Variants in NCALD observed in about 807,000 individuals in gnomAD.
NCALD encodes neurocalcin delta.
A neutral mutation model predicts 18.6 loss-of-function variants in NCALD; 10 were observed. The ratio of observed to expected loss-of-function variants is 0.54; its 90% CI spans 0.33 to 0.91. The LOEUF is 0.91. Ranked by LOEUF, NCALD falls within the 40% of genes least tolerant of loss-of-function variation. The pLI, the probability that NCALD is intolerant of heterozygous loss-of-function variation, is 0.03. For synonymous variants in NCALD, 88 were observed against 87.4 expected, an observed-to-expected ratio of 1.01 and a Z score of -0.04; for missense variants, 184 against 247.6, an observed-to-expected ratio of 0.74 and a Z score of 1.72.
At chr8:101,805,643 G>A (rs1227653311) in intron 4 of NCALD, among the ~76,000 whole-genome samples, 1 of 152,144 alleles carries the variant, frequency 6.6e-6, no homozygotes. Context: ...GAGCTCTGAA[G>A]CTCTCCCCCA....
At chr8:102,036,454 G>A (rs1822868068) in intron 1 of NCALD, among the ~76,000 whole-genome samples, 1 of 151,856 alleles carries the variant, frequency 6.6e-6, no homozygotes, top group South Asian at 2.1e-4. Flanking sequence ...TACACATCTA[G>A]TTTGCAATCA....
intron 2 of NCALD, chr8:101,693,937 G>A (rs1325589018): frequency 1.3e-5 from 2 of 152,194 alleles, no homozygotes; most frequent in Non-Finnish European, 2.9e-5. Context: ...GAGCTAAACT[G>A]GGTACAGCTA....
chr8:101,964,567 G>A (rs1819953447), intron 2 of NCALD, among the ~76,000 whole-genome samples: 2 of 152,102 alleles, frequency 1.3e-5, no homozygotes, highest in Non-Finnish European at 1.5e-5. Context: ...TTTGGAATTG[G>A]TGCACATGAC....
intron 2 of NCALD, among the ~76,000 whole-genome samples, chr8:102,011,389 CA>C (rs1370893575): frequency 3.9e-5 from 6 of 152,208 alleles, no homozygotes; most frequent in African/African-American, 1.4e-4. Context: ...ACATCTTCCT[CA>C]AAGATCCCTT....
chr8:101,831,998 G>A (rs1179926000), intron 4 of NCALD, among the ~76,000 whole-genome samples: 1 of 152,092 alleles, frequency 6.6e-6, no homozygotes, highest in Non-Finnish European at 1.5e-5. Flanking sequence ...GCAGATAAAG[G>A]CCTCTTAAGC....
At chr8:102,070,753 T>G (rs148120031) in intron 1 of NCALD, among the ~76,000 whole-genome samples, 1 of 152,172 alleles carries the variant, frequency 6.6e-6, no homozygotes, top group South Asian at 2.1e-4. Flanking sequence ...CCTCCTACCT[T>G]GGGAGTTATC....
chr8:101,941,995 G>A (rs927119440), intron 2 of NCALD, among the ~76,000 whole-genome samples: 1 of 152,184 alleles, frequency 6.6e-6, no homozygotes. Context: ...AGAGGAAACA[G>A]TTCTTCATGG....
intron 1 of NCALD, among the ~76,000 whole-genome samples, chr8:102,022,435 ACT>A (rs1000230658): frequency 6.6e-5 from 10 of 152,084 alleles, no homozygotes; most frequent in African/African-American, 2.4e-4. Flanking sequence ...AGATGACTGC[ACT>A]CTCTTGCAGT....
chr8:101,722,839 G>T (rs76231902), intron 1 of NCALD, among the ~76,000 whole-genome samples: 8,494 of 152,254 alleles, frequency 0.056, 271 homozygotes, highest in Middle Eastern at 0.15. Flanking sequence ...AGTCAGAAAA[G>T]CATGGAATAA....
At chr8:101,954,485 T>C (rs1299844241) in intron 2 of NCALD, among the ~76,000 whole-genome samples, 2 of 152,180 alleles carry the variant, frequency 1.3e-5, no homozygotes, top group Non-Finnish European at 2.9e-5. Context: ...TCATTCTCTC[T>C]ACCTCTAATC....
chr8:101,902,174 G>T (rs1435273404), intron 3 of NCALD, among the ~76,000 whole-genome samples: 2 of 151,292 alleles, frequency 1.3e-5, no homozygotes, highest in Admixed American at 1.3e-4. Flanking sequence ...CAGCCTATTT[G>T]ATCTATTGCT....
chr8:102,051,644 A>G (rs1424131905), intron 1 of NCALD, among the ~76,000 whole-genome samples: 2 of 152,242 alleles, frequency 1.3e-5, no homozygotes, highest in Admixed American at 6.5e-5. Flanking sequence ...ACATTCTGCT[A>G]ATTCAACTGC....
At chr8:101,929,252 GA>G in intron 2 of NCALD, among the ~76,000 whole-genome samples, 1 of 87,350 alleles carries the variant, frequency 1.1e-5, no homozygotes, top group African/African-American at 4.8e-5. Flanking sequence ...GGAGGAGGAG[GA>G]AGGGATGGAG....
At chr8:101,893,253 T>C (rs577375755) in intron 3 of NCALD, among the ~76,000 whole-genome samples, 17 of 151,156 alleles carry the variant, frequency 1.1e-4, no homozygotes, top group East Asian at 9.7e-4. Context: ...ATTTCATATC[T>C]AGCCAAACTA....
At chr8:101,835,723 C>CGT (rs994674590) in intron 4 of NCALD, among the ~76,000 whole-genome samples, 2 of 151,694 alleles carry the variant, frequency 1.3e-5, no homozygotes, top group African/African-American at 2.4e-5. Flanking sequence ...TGTGTGCATG[C>CGT]GTGTGTGTGA....
chr8:101,851,850 T>C (rs1410684562), intron 4 of NCALD, among the ~76,000 whole-genome samples: 1 of 152,182 alleles, frequency 6.6e-6, no homozygotes, highest in African/African-American at 2.4e-5. Context: ...AAAATTTATG[T>C]TAAACTCTAA....
intron 2 of NCALD, among the ~76,000 whole-genome samples, chr8:101,710,896 C>G (rs1018168864): frequency 2.0e-5 from 3 of 152,226 alleles, no homozygotes; most frequent in African/African-American, 7.2e-5. Context: ...GATCTCCCAG[C>G]ACAGTGCTCA....
intron 1 of NCALD, among the ~76,000 whole-genome samples, chr8:101,735,784 T>C (rs1809881704): frequency 6.6e-6 from 1 of 152,226 alleles, no homozygotes; most frequent in African/African-American, 2.4e-5. Context: ...AAGGATTCCA[T>C]TTGCATCAGG....
At chr8:102,090,915 G>A (rs1479915027) in intron 1 of NCALD, among the ~76,000 whole-genome samples, 1 of 152,160 alleles carries the variant, frequency 6.6e-6, no homozygotes, top group Admixed American at 6.5e-5. Context: ...AACTTGACTT[G>A]AGCCAACATA....
Sources: allele counts gnomAD v4.1 joint callset (sites outside exome capture counted in the v4.1 genomes callset), GRCh38; gene constraint gnomAD v4.1.1; transcripts MANE v1.5; gene names NCBI Gene and HGNC (gene_info 2026-07-23, HGNC 2026-07-21).